The following CDK15 variants were observed in gnomAD, a reference collection of about 807,000 sequenced individuals.
CDK15 encodes the protein cyclin-dependent kinase 15.
CDK15 carries 62 observed loss-of-function variants against 60.3 expected under a neutral mutation model. The observed-to-expected ratio is 1.03, with a 90% CI of 0.84 to 1.27. CDK15 has a LOEUF of 1.27. Ranked by LOEUF, CDK15 falls within the 50% of genes most tolerant of loss-of-function variation. CDK15 has a pLI of 0.00. For synonymous variants in CDK15, 194 were observed against 195.7 expected, an observed-to-expected ratio of 0.99 and a Z score of 0.07; for missense variants, 541 against 527.8, an observed-to-expected ratio of 1.03 and a Z score of -0.25.
At chr2:201,879,376 C>A (rs1410166639) in intron 11 of CDK15, among the ~76,000 whole-genome samples, 5 of 152,082 alleles carry the variant, frequency 3.3e-5, no homozygotes, top group Non-Finnish European at 7.4e-5. Flanking sequence ...GAGCCTTGAA[C>A]ATGTTTTTTG....
At chr2:201,837,397 G>T (rs1209989414) in intron 8 of CDK15, among the ~76,000 whole-genome samples, 2 of 114,374 alleles carry the variant, frequency 1.7e-5, no homozygotes, top group Non-Finnish European at 3.7e-5. Flanking sequence ...AGGGGAGAGG[G>T]GGGAGAGGTG....
intron 12 of CDK15, among the ~76,000 whole-genome samples, chr2:201,887,442 A>G (rs1030385783): frequency 3.9e-5 from 6 of 152,200 alleles, no homozygotes; most frequent in African/African-American, 1.4e-4. Context: ...GAATAAGTTA[A>G]AACAAAATGG....
chr2:201,829,627 A>G (rs1222633920), intron 6 of CDK15, among the ~76,000 whole-genome samples: 1 of 152,102 alleles, frequency 6.6e-6, no homozygotes, highest in African/African-American at 2.4e-5. Context: ...AGGCAATCTG[A>G]GTTGGAGATA....
chr2:201,861,460 A>G, intron 10 of CDK15: 1 of 985,316 alleles, frequency 1.0e-6, no homozygotes, highest in Non-Finnish European at 1.2e-6. Context: ...ATGAGTCTGA[A>G]AAATAAATTA....
chr2:201,860,996 T>C, intron 10 of CDK15: 7 of 1,185,928 alleles, frequency 5.9e-6, no homozygotes, highest in Non-Finnish European at 7.5e-6. Flanking sequence ...AGCTAAGGTC[T>C]GCATCTGGGT....
At chr2:201,889,416 A>G (rs1286201835) in intron 12 of CDK15, 2 of 984,938 alleles carry the variant, frequency 2.0e-6, no homozygotes, top group African/African-American at 3.5e-5. Flanking sequence ...AACAATGGCT[A>G]CCATTTATTA....
At chr2:201,875,474 T>C (rs1275041335) in intron 11 of CDK15, among the ~76,000 whole-genome samples, 1 of 152,188 alleles carries the variant, frequency 6.6e-6, no homozygotes, top group Non-Finnish European at 1.5e-5. Context: ...TAAGGAAATA[T>C]ACACAAACCC....
chr2:201,810,475 CAAAAATATGAGCAACCAAAA>C (rs1695707763), intron 3 of CDK15, among the ~76,000 whole-genome samples: 1 of 151,106 alleles, frequency 6.6e-6, no homozygotes, highest in South Asian at 2.1e-4. Flanking sequence ...GACAAAGCTG[CAAAAATATGAGCAACCAAAA>C]AAAGTGGTAT....
At chr2:201,888,551 A>G in intron 12 of CDK15, 1 of 1,489,072 alleles carries the variant, frequency 6.7e-7, no homozygotes, top group Non-Finnish European at 8.8e-7. Context: ...AGATTGCTGA[A>G]GGAGAGCCGC....
intron 8 of CDK15, among the ~76,000 whole-genome samples, chr2:201,840,571 G>C (rs913100276): frequency 1.4e-5 from 2 of 147,684 alleles, no homozygotes; most frequent in East Asian, 3.9e-4. Flanking sequence ...TGTTTTGTTT[G>C]TGTGTGTGTA....
In CDK15 at chr2:201,893,982, G is replaced by A. The variant is rs17385479; in HGVS notation, c.*715G>A. On this transcript the variant is annotated 3_prime_UTR_variant, in exon 14 of 14. Transcript: ENST00000652192. ...TGTCTGTGATGATGGCAACAGTGAT[G>A]GGGAATCTAAGCGCTGGTTTGATGG... The A allele has an allele frequency of 0.11, 16,476 of 151,912 alleles. 1,121 individuals carry two copies. Among genetic ancestry groups the A allele is most frequent in the Middle Eastern group, 0.17 (50 of 296 alleles). The allele number at this position is 151,912 out of a possible 1,614,324, so 9.4% of individuals were successfully genotyped here. A position where few individuals can be genotyped will look rare whatever the true frequency, so the allele number is the denominator to read the frequency against.
At chr2:201,860,510 C>T (rs1487733987) in intron 10 of CDK15, among the ~76,000 whole-genome samples, 1 of 152,186 alleles carries the variant, frequency 6.6e-6, no homozygotes, top group Non-Finnish European at 1.5e-5. Flanking sequence ...TGATTTGTGA[C>T]ATGAGCTCAG....
intron 13 of CDK15, among the ~76,000 whole-genome samples, chr2:201,892,502 G>T (rs533636208): frequency 6.6e-6 from 1 of 152,256 alleles, no homozygotes; most frequent in Non-Finnish European, 1.5e-5. Context: ...ACATAAATTG[G>T]TCACAATAGA....
chr2:201,819,683 G>A (rs909186495), intron 4 of CDK15, among the ~76,000 whole-genome samples: 34 of 152,248 alleles, frequency 2.2e-4, no homozygotes, highest in Non-Finnish European at 8.8e-5. Context: ...GCAAGGGAGG[G>A]GTTCTGGACA....
At chr2:201,845,236 A>AT (rs549532495) in intron 8 of CDK15, among the ~76,000 whole-genome samples, 104 of 152,272 alleles carry the variant, frequency 6.8e-4, no homozygotes, top group African/African-American at 2.4e-3. Flanking sequence ...GTCTGATATC[A>AT]TTTTTTAAAC....
intron 10 of CDK15, among the ~76,000 whole-genome samples, chr2:201,859,076 G>A (rs914253794): frequency 6.6e-6 from 1 of 152,170 alleles, no homozygotes; most frequent in Non-Finnish European, 1.5e-5. Context: ...CTGGCGGGCC[G>A]GGGCTGCGCG....
At chr2:201,866,617 C>A (rs909015850) in intron 10 of CDK15, among the ~76,000 whole-genome samples, 1 of 152,152 alleles carries the variant, frequency 6.6e-6, no homozygotes, top group African/African-American at 2.4e-5. Context: ...TAATGATTTA[C>A]TCTTGTCTTT....
intron 12 of CDK15, chr2:201,889,549 C>T (rs1377754326): frequency 2.2e-6 from 1 of 455,464 alleles, no homozygotes; most frequent in Non-Finnish European, 2.9e-6. Flanking sequence ...CTTGCAATGT[C>T]AACTTTTGGA....
At chr2:201,881,606 A>G (rs1699280230) in intron 12 of CDK15, among the ~76,000 whole-genome samples, 2 of 152,218 alleles carry the variant, frequency 1.3e-5, no homozygotes, top group South Asian at 4.1e-4. Context: ...ATTTGGAGGA[A>G]CAAGAATTCA....
Sources: gnomAD v4.1 joint callset for allele counts (sites outside exome capture counted in the v4.1 genomes callset) on GRCh38, gnomAD v4.1.1 for gene constraint, MANE v1.5 for transcripts, NCBI Gene and HGNC (gene_info 2026-07-23, HGNC 2026-07-21) for gene names.